The following LHFPL3 variants were observed in gnomAD, a reference collection of about 807,000 sequenced individuals.
The protein encoded by LHFPL3 is LHFPL tetraspan subfamily member 3 protein.
In LHFPL3, 5 loss-of-function variants were observed where a neutral mutation model predicts 19.3. The observed-to-expected ratio is 0.26, with a 90% CI of 0.14 to 0.54. The LOEUF (loss-of-function observed/expected upper bound fraction) is 0.54, where lower values mean the gene tolerates loss of function less well. Ranked by LOEUF, LHFPL3 falls within the 20% of genes least tolerant of loss-of-function variation. The pLI is 0.94. For synonymous variants in LHFPL3, 133 were observed against 126.2 expected (o/e 1.05, Z -0.36); for missense variants, 249 against 307.4 (o/e 0.81, Z 1.42).
intron 1 of LHFPL3, among the ~76,000 whole-genome samples, chr7:104,522,485 A>G (rs954352325): frequency 6.6e-6 from 1 of 151,736 alleles, no homozygotes; most frequent in African/African-American, 2.4e-5. Flanking sequence ...ATGTATACAA[A>G]TGTAACTAAC....
chr7:104,484,108 T>C (rs759378136), intron 1 of LHFPL3, among the ~76,000 whole-genome samples: 7 of 87,438 alleles, frequency 8.0e-5, no homozygotes, highest in Non-Finnish European at 1.8e-4. Flanking sequence ...TCTTAAATGA[T>C]TTGGAGACTT....
intron 1 of LHFPL3, among the ~76,000 whole-genome samples, chr7:104,640,904 A>G (rs1388540478): frequency 6.6e-6 from 1 of 152,230 alleles, no homozygotes; most frequent in East Asian, 1.9e-4. Context: ...AATTGCTCAG[A>G]TATTATCAAA....
chr7:104,423,138 G>T (rs1791767300), intron 1 of LHFPL3, among the ~76,000 whole-genome samples: 1 of 152,140 alleles, frequency 6.6e-6, no homozygotes, highest in Admixed American at 6.5e-5. Context: ...AAGAGGGGAG[G>T]ACAATAAGCC....
At chr7:104,768,246 T>G (rs544631852) in intron 2 of LHFPL3, among the ~76,000 whole-genome samples, 8 of 152,106 alleles carry the variant, frequency 5.3e-5, no homozygotes, top group Non-Finnish European at 8.8e-5. Context: ...CGTTTGCAAG[T>G]ACAGTGACCT....
chr7:104,535,913 C>G (rs1297066383), intron 1 of LHFPL3, among the ~76,000 whole-genome samples: 1 of 152,206 alleles, frequency 6.6e-6, no homozygotes, highest in Non-Finnish European at 1.5e-5. Flanking sequence ...CGAGTGCCAT[C>G]GGCACATACC....
intron 1 of LHFPL3, among the ~76,000 whole-genome samples, chr7:104,527,939 A>G (rs1226425768): frequency 6.6e-6 from 1 of 152,190 alleles, no homozygotes; most frequent in African/African-American, 2.4e-5. Context: ...GTGAGACCAT[A>G]TTTATTTCTA....
intron 1 of LHFPL3, among the ~76,000 whole-genome samples, chr7:104,607,096 G>A (rs1791117593): frequency 6.6e-6 from 1 of 152,212 alleles, no homozygotes; most frequent in Non-Finnish European, 1.5e-5. Context: ...CATCTTAGCG[G>A]AGTTCAGGCC....
At chr7:104,640,933 C>T (rs1791821715) in intron 1 of LHFPL3, among the ~76,000 whole-genome samples, 1 of 152,144 alleles carries the variant, frequency 6.6e-6, no homozygotes, top group Admixed American at 6.5e-5. Context: ...AAAAAAGTTA[C>T]GTTTGATTTT....
Position 104,389,986 on chromosome 7 carries a change from A to G in LHFPL3, c.445+60762A>G, listed in dbSNP as rs371160683. ...CTTTAATATGACACCAAAATCACAAACAACAACAAAAATAAATAAATTGGA... is the reference window on the plus strand; with the variant it reads ...CTTTAATATGACACCAAAATCACAAGCAACAACAAAAATAAATAAATTGGA... On this transcript the variant is annotated intron_variant, in intron 1 of 2. Transcript: ENST00000424859. Among the ~76,000 whole-genome samples the G allele has an allele frequency of 2.0e-5, 3 of 152,116 alleles. No homozygotes were observed. The East Asian group carries it at 5.8e-4, about 29-fold the overall frequency.
chr7:104,532,623 T>C (rs1794323004), intron 1 of LHFPL3, among the ~76,000 whole-genome samples: 1 of 152,170 alleles, frequency 6.6e-6, no homozygotes, highest in South Asian at 2.1e-4. Flanking sequence ...TACCCCATCT[T>C]CCTACACCTC....
intron 2 of LHFPL3, among the ~76,000 whole-genome samples, chr7:104,764,918 G>T (rs1032331686): frequency 2.0e-5 from 3 of 152,180 alleles, no homozygotes; most frequent in South Asian, 2.1e-4. Flanking sequence ...CTTGTTCAAG[G>T]TCTTACATTT....
chr7:104,600,692 A>G (rs1039147580), intron 1 of LHFPL3, among the ~76,000 whole-genome samples: 2 of 152,242 alleles, frequency 1.3e-5, no homozygotes, highest in African/African-American at 4.8e-5. Flanking sequence ...GGCAAAGCCA[A>G]GGACAAAGAT....
At chr7:104,643,644 C>A (rs1562956775) in intron 1 of LHFPL3, among the ~76,000 whole-genome samples, 1 of 152,180 alleles carries the variant, frequency 6.6e-6, no homozygotes, top group Admixed American at 6.5e-5. Context: ...AGAGCCTGGA[C>A]CCCACCCCAA....
intron 2 of LHFPL3, among the ~76,000 whole-genome samples, chr7:104,855,469 T>C (rs985993830): frequency 6.6e-6 from 1 of 152,200 alleles, no homozygotes; most frequent in African/African-American, 2.4e-5. Flanking sequence ...TATAATGGTG[T>C]TGCAGAATAT....
intron 2 of LHFPL3, among the ~76,000 whole-genome samples, chr7:104,881,598 A>G (rs1264686799): frequency 6.6e-6 from 1 of 152,214 alleles, no homozygotes; most frequent in East Asian, 1.9e-4. Context: ...GTTTCTTGAG[A>G]TGGAACCTAC....
intron 1 of LHFPL3, among the ~76,000 whole-genome samples, chr7:104,405,613 A>G (rs553124378): frequency 3.9e-5 from 6 of 152,336 alleles, no homozygotes; most frequent in African/African-American, 7.2e-5. Context: ...AAATTGTCCA[A>G]CATCATATAG....
At chr7:104,707,535 TAAG>T (rs1421237392) in intron 1 of LHFPL3, among the ~76,000 whole-genome samples, 3 of 152,194 alleles carry the variant, frequency 2.0e-5, no homozygotes, top group African/African-American at 7.2e-5. Context: ...CTTGTTACCT[TAAG>T]GAGTTCAACC....
At chr7:104,829,119 G>A (rs1412241857) in intron 2 of LHFPL3, among the ~76,000 whole-genome samples, 10 of 151,712 alleles carry the variant, frequency 6.6e-5, no homozygotes, top group African/African-American at 1.9e-4. Flanking sequence ...CTGGCCTCAT[G>A]ACTTCAACCC....
intron 1 of LHFPL3, among the ~76,000 whole-genome samples, chr7:104,581,706 AT>A (rs1790464497): frequency 6.6e-6 from 1 of 152,034 alleles, no homozygotes; most frequent in South Asian, 2.1e-4. Context: ...CCATATAGAT[AT>A]CCTGTCATTC....
Sources: gnomAD v4.1 joint callset for allele counts (sites outside exome capture counted in the v4.1 genomes callset) on GRCh38, gnomAD v4.1.1 for gene constraint, MANE v1.5 for transcripts, NCBI Gene and HGNC (gene_info 2026-07-23, HGNC 2026-07-21) for gene names.